The following NELL2 variants were observed in gnomAD, a reference collection of about 807,000 sequenced individuals.
NELL2 encodes neural EGFL like 2.
In NELL2, 41 loss-of-function variants were observed where a neutral mutation model predicts 109.6. That is an observed-to-expected ratio of 0.37 (90% confidence interval 0.29 to 0.49). The LOEUF (loss-of-function observed/expected upper bound fraction) is 0.49. Ranked by LOEUF, NELL2 falls within the 20% of genes least tolerant of loss-of-function variation. The probability of loss-of-function intolerance (pLI) is 0.98; values close to 1 mark genes in which losing one functional copy is unlikely to be tolerated. For missense variants in NELL2, 900 were observed against 1,008.3 expected (o/e 0.89, Z 1.45); for synonymous variants, 355 against 344.7 (o/e 1.03, Z -0.33).
chr12:44,819,411 C>T (rs1943468153), intron 2 of NELL2, among the ~76,000 whole-genome samples: 1 of 152,196 alleles, frequency 6.6e-6, no homozygotes, highest in Non-Finnish European at 1.5e-5. Flanking sequence ...CTACCTTTCC[C>T]AAATCAAATT....
At chr12:44,786,188 A>G (rs1206373675) in intron 3 of NELL2, among the ~76,000 whole-genome samples, 1 of 152,184 alleles carries the variant, frequency 6.6e-6, no homozygotes, top group Admixed American at 6.5e-5. Flanking sequence ...ACAAGAAAAA[A>G]AACAAACAGC....
chr12:44,766,433 G>C (rs1329503348), intron 9 of NELL2, among the ~76,000 whole-genome samples: 1 of 152,106 alleles, frequency 6.6e-6, no homozygotes, highest in African/African-American at 2.4e-5. Flanking sequence ...TACTTTCCAC[G>C]TAATTGCCAA....
chr12:44,658,876 C>CAAAAAAAA (rs758903947), intron 13 of NELL2, among the ~76,000 whole-genome samples: 6 of 97,610 alleles, frequency 6.1e-5, no homozygotes, highest in Non-Finnish European at 9.8e-5. Flanking sequence ...GACTCTGTCT[C>CAAAAAAAA]CAAAAAAAAA....
chr12:44,587,188 T>G (rs1944543328), intron 15 of NELL2, among the ~76,000 whole-genome samples: 1 of 146,786 alleles, frequency 6.8e-6, no homozygotes. Context: ...AGGAGAATGG[T>G]GTGAACCCAG....
chr12:44,841,886 A>G (rs946660469), intron 2 of NELL2, among the ~76,000 whole-genome samples: 4 of 152,076 alleles, frequency 2.6e-5, no homozygotes, highest in Non-Finnish European at 1.5e-5. Context: ...AGCCACCTTA[A>G]CACATCCTAA....
chr12:44,559,881 C>G (rs1943403952), intron 15 of NELL2, among the ~76,000 whole-genome samples: 1 of 152,178 alleles, frequency 6.6e-6, no homozygotes, highest in Admixed American at 6.5e-5. Context: ...ATACATTCTT[C>G]TCATCACCAC....
upstream of NELL2, among the ~76,000 whole-genome samples, chr12:44,877,630 T>A (rs1023997741): frequency 7.9e-5 from 12 of 152,190 alleles, no homozygotes; most frequent in African/African-American, 2.9e-4. Context: ...TATATAGTTA[T>A]AGATATTATC....
intron 15 of NELL2, among the ~76,000 whole-genome samples, chr12:44,570,266 T>C (rs1442402112): frequency 6.6e-6 from 1 of 152,220 alleles, no homozygotes; most frequent in East Asian, 1.9e-4. Flanking sequence ...CGTGTTGCTA[T>C]GTCATGTGTG....
chr12:44,665,368 T>C (rs1335873602), intron 13 of NELL2, 116 bp downstream of exon 13: 2 of 812,404 alleles, frequency 2.5e-6, no homozygotes, highest in Admixed American at 3.2e-5. Flanking sequence ...GATATGATTT[T>C]GCTAATGTTT....
chr12:44,620,679 C>T (rs1387939120), intron 13 of NELL2, among the ~76,000 whole-genome samples: 1 of 152,112 alleles, frequency 6.6e-6, no homozygotes, highest in African/African-American at 2.4e-5. Context: ...ACTCCTCCCT[C>T]CCTTCTTCTC....
intron 2 of NELL2, among the ~76,000 whole-genome samples, chr12:44,839,158 A>C (rs1383183172): frequency 6.6e-6 from 1 of 152,148 alleles, no homozygotes; most frequent in Admixed American, 6.5e-5. Context: ...CCTGTATACT[A>C]TCTGTGAAAG....
rs147587943 is a variant in NELL2 at position 44,691,399 on chromosome 12, G to A, written c.1318+12327C>T. ...CCCATACAAGATGGCAAACTTAATC[G>A]ATAACTGTGTGTGTTCTGATGGCTC... is the stretch of plus-strand genomic sequence containing the variant. On this transcript the variant is annotated intron_variant, in intron 12 of 19. Transcript: ENST00000429094. Among the ~76,000 whole-genome samples the A allele has an allele frequency of 2.7e-3, 415 of 152,210 alleles. 1 individual carries two copies. Among genetic ancestry groups the A allele is most frequent in the African/African-American group, 9.6e-3 (397 of 41,528 alleles).
chr12:44,594,504 T>C (rs1026450708), intron 15 of NELL2, among the ~76,000 whole-genome samples: 2 of 152,074 alleles, frequency 1.3e-5, no homozygotes, highest in Non-Finnish European at 2.9e-5. Flanking sequence ...TGCAGAAAGG[T>C]CAAGAAATGT....
intron 15 of NELL2, among the ~76,000 whole-genome samples, chr12:44,568,961 A>T (rs574239773): frequency 6.6e-6 from 1 of 152,126 alleles, no homozygotes; most frequent in African/African-American, 2.4e-5. Flanking sequence ...ATTTTCTTGT[A>T]CAGATTATTT....
intron 1 of NELL2, among the ~76,000 whole-genome samples, chr12:44,905,554 G>T (rs2710441): frequency 0.035 from 5,301 of 152,054 alleles, 201 homozygotes; most frequent in African/African-American, 0.086. Context: ...ACATAAGCAT[G>T]GGAAAATAGA....
At chr12:44,600,046 C>T (rs923577268) in intron 15 of NELL2, among the ~76,000 whole-genome samples, 1 of 150,824 alleles carries the variant, frequency 6.6e-6, no homozygotes, top group African/African-American at 2.4e-5. Flanking sequence ...ACTGCAAGCC[C>T]CGCCTCCCCA....
At chr12:44,745,315 CAA>C (rs1277612454) in intron 9 of NELL2, among the ~76,000 whole-genome samples, 1 of 152,074 alleles carries the variant, frequency 6.6e-6, no homozygotes, top group Non-Finnish European at 1.5e-5. Context: ...ATAATAAGCG[CAA>C]TCTATGACAA....
At chr12:44,689,528 G>A (rs1364222192) in intron 12 of NELL2, among the ~76,000 whole-genome samples, 3 of 152,150 alleles carry the variant, frequency 2.0e-5, no homozygotes, top group Admixed American at 6.5e-5. Flanking sequence ...CACAGGGCCA[G>A]GCAGCCCTTA....
At chr12:44,825,543 G>C (rs11182703) in intron 2 of NELL2, among the ~76,000 whole-genome samples, 2 of 149,096 alleles carry the variant, frequency 1.3e-5, no homozygotes, top group East Asian at 4.0e-4. Context: ...CTACAGGTGC[G>C]TGCCACCATG....
Sources: allele counts gnomAD v4.1 joint callset (sites outside exome capture counted in the v4.1 genomes callset), GRCh38; gene constraint gnomAD v4.1.1; transcripts MANE v1.5; gene names NCBI Gene and HGNC (gene_info 2026-07-23, HGNC 2026-07-21).